EBP: variants seen among roughly 807,000 people sequenced by gnomAD.
EBP encodes 3-beta-hydroxysteroid-Delta(8),Delta(7)-isomerase.
In EBP, 1 loss-of-function variant was observed where a neutral mutation model predicts 14.1. The ratio of observed to expected loss-of-function variants is 0.07; its 90% CI spans 0.03 to 0.34. EBP has a LOEUF of 0.34. Ranked by LOEUF, EBP falls within the 10% of genes least tolerant of loss-of-function variation. The pLI, the probability that EBP is intolerant of heterozygous loss-of-function variation, is 0.99. For missense variants in EBP, 123 were observed against 184.6 expected, an observed-to-expected ratio of 0.67 and a Z score of 1.93; for synonymous variants, 72 against 77.7, an observed-to-expected ratio of 0.93 and a Z score of 0.38.
intron 1 of EBP, 53 bp from the exon 2 acceptor site, chrX:48,523,646 A>C: frequency 4.0e-6 from 3 of 742,703 alleles, no homozygotes; most frequent in Non-Finnish European, 3.9e-6. Flanking sequence ...TCATGATAAT[A>C]AACTATTTGA....
intron 4 of EBP, chrX:48,527,511 CA>C: frequency 3.9e-6 from 2 of 510,738 alleles, no homozygotes; most frequent in Non-Finnish European, 6.3e-6. Context: ...TTCTCCATCA[CA>C]AAGTCTCCTG....
At chrX:48,524,598 C>T (rs1370522403) in intron 2 of EBP, 4 of 111,123 alleles carry the variant, frequency 3.6e-5, no homozygotes, top group Non-Finnish European at 7.5e-5. Flanking sequence ...TGCACTCCAG[C>T]CTGGGCAACA....
Position 48,528,368 on chromosome X carries a change from G to C in EBP, c.604G>C (p.Val202Leu), listed in dbSNP as rs782779957. The C allele has an allele frequency of 8.4e-7, 1 of 1,196,637 alleles. No individual in the cohort carries two copies. Among genetic ancestry groups the C allele is most frequent in the Admixed American group, 2.2e-5 (1 of 44,481 alleles). Residue 202 changes from valine to leucine, a missense_variant, in exon 5 of 5, where the codon GTC becomes CTC. Coordinates refer to ENST00000495186, the MANE Select transcript of EBP (RefSeq NM_006579.3). ...TGCCCTGTGGCTGGTGCTGCCTGGA[G>C]TCCTTGTGCTTGATGCTGTGAAGCA... is the stretch of plus-strand genomic sequence containing the variant. ...MNALWLVLPG[V>L]LVLDAVKHLT...
At position 48,528,311 on chromosome X, in the gene EBP, C is replaced by G; in HGVS notation, c.547C>G (p.Leu183Val). ...GFQHGELGHP[L>V]YFWFYFVFMN... is the part of the protein sequence containing the mutation. ...CCAGCACGGAGAGCTGGGCCACCCT[C>G]TCTACTTCTGGTTTTACTTTGTCTT... The change falls in exon 5 of 5, where the codon CTC (leucine) becomes GTC (valine). Residue 183 changes from leucine (L) to valine (V), a missense_variant. Coordinates refer to ENST00000495186, the MANE Select transcript of EBP (RefSeq NM_006579.3). 8.3e-7 allele frequency: 1 copy of G among 1,211,351 alleles called. No individual in the cohort carries two copies. The highest frequency in any genetic ancestry group is 1.1e-6 in the Non-Finnish European group (1 of 895,358).
At chrX:48,527,427 C>T in intron 4 of EBP, 142 bp downstream of exon 4, 2 of 993,077 alleles carry the variant, frequency 2.0e-6, no homozygotes, top group Non-Finnish European at 2.8e-6. Flanking sequence ...CCCCCTGAGG[C>T]TCTGGAAAGG....
chrX:48,523,711 C>CTT lies in EBP; in HGVS notation c.-44_-43dup, dbSNP rs782299900. On this transcript the variant is annotated 5_prime_UTR_variant, in exon 2 of 5. Coordinates refer to ENST00000495186, the MANE Select transcript of EBP (RefSeq NM_006579.3). ...TCTATTTGTCCAGGTTTTTCTGTTC[C>CTT]TTTTTTTTTTTTTTTTTTAACTTCC... The CTT allele has an allele frequency of 0.017, 14,651 of 845,192 alleles. 243 individuals carry two copies. The highest frequency in any genetic ancestry group is 0.08 in the African/African-American group (3,316 of 41,373). The allele number at this position is 845,192 out of a possible 1,213,427, so 69.7% of individuals were successfully genotyped here. A position where few individuals can be genotyped will look rare whatever the true frequency, so the allele number is the denominator to read the frequency against.
intron 2 of EBP, 75 bp from the exon 3 acceptor site, chrX:48,526,914 G>A (rs1488028836): frequency 8.8e-7 from 1 of 1,132,198 alleles, no homozygotes; most frequent in Non-Finnish European, 1.2e-6. Context: ...TCTTCTTGCA[G>A]GGACCCCCAG....
chrX:48,527,405 C>T, intron 4 of EBP, 120 bp downstream of exon 4: 1 of 1,090,619 alleles, frequency 9.2e-7, no homozygotes, highest in Non-Finnish European at 1.3e-6. Flanking sequence ...GTAAGTCAGA[C>T]TGAATGACAA....
At position 48,524,060 on chromosome X, in the gene EBP, T is replaced by C. The variant is rs377038311; in HGVS notation, c.289T>C (p.Leu97=). The C allele has an allele frequency of 1.2e-4, 151 of 1,209,598 alleles. No homozygotes were observed. The highest frequency in any genetic ancestry group is 1.6e-4 in the Non-Finnish European group (146 of 894,846). The change falls in exon 2 of 5, where the codon TTA becomes CTA. Residue 97 remains leucine, a synonymous_variant. Transcript: ENST00000495186. ...YEDLLGDQAF[L]SQLWKEYAKG... ...AGACCTGCTTGGAGACCAAGCCTTCTTATCTCAACTCTGTGAGTCCTGATT... is the reference window on the plus strand; with the variant it reads ...AGACCTGCTTGGAGACCAAGCCTTCCTATCTCAACTCTGTGAGTCCTGATT...
At position 48,528,562 on chromosome X, in the gene EBP, G is replaced by A. The variant is rs782683562; in HGVS notation, c.*105G>A. ...TTGGAGGGACAAAGCTAATTGATCT[G>A]TCACACTCAGGCTCATGGGCAGGCA... On this transcript the variant is annotated 3_prime_UTR_variant, in exon 5 of 5. Coordinates refer to ENST00000495186, the MANE Select transcript of EBP (RefSeq NM_006579.3). 35 of 756,210 alleles carry A rather than the reference G, an allele frequency of 4.6e-5. No individual in the cohort carries two copies. In the South Asian group the frequency reaches 7.3e-4, roughly 16 times the overall value. The allele number at this position is 756,210 out of a possible 1,213,427, so 62.3% of individuals were successfully genotyped here. A position where few individuals can be genotyped will look rare whatever the true frequency, so the allele number is the denominator to read the frequency against.
rs1426868645 is a variant in EBP, at chrX:48,523,885, C to A, written c.114C>A (p.Val38=). 8.3e-7 allele frequency: 1 copy of A among 1,209,246 alleles called. No homozygotes were observed. The highest frequency in any genetic ancestry group is 1.1e-6 in the Non-Finnish European group (1 of 895,146). Residue 38 remains valine (V), a synonymous_variant, in exon 2 of 5, where the codon GTC becomes GTA. Coordinates refer to ENST00000495186, the MANE Select transcript of EBP (RefSeq NM_006579.3). The part of the protein sequence containing the change: ...TWHILAGLFS[V]TGVLVVTTWL... Reference sequence around the variant, plus strand: ...ATATACTGGCTGGCCTCTTCTCTGTCACAGGGGTCTTAGTCGTGACCACAT... The same window carrying A: ...ATATACTGGCTGGCCTCTTCTCTGTAACAGGGGTCTTAGTCGTGACCACAT...
At chrX:48,527,497 C>G (rs1346448095) in intron 4 of EBP, 2 of 547,634 alleles carry the variant, frequency 3.7e-6, no homozygotes. Context: ...CTTCCTCCTC[C>G]TCCTTCTCCA....
intron 2 of EBP, among the ~76,000 whole-genome samples, chrX:48,526,089 C>CA (rs781869054): frequency 0.025 from 1,019 of 40,941 alleles, 19 homozygotes; most frequent in Non-Finnish European, 0.033. Flanking sequence ...GGCTCCGTCT[C>CA]AAAAAAAAAA....
At chrX:48,525,593 G>A (rs782008783) in intron 2 of EBP, among the ~76,000 whole-genome samples, 4 of 107,469 alleles carry the variant, frequency 3.7e-5, no homozygotes, top group African/African-American at 1.4e-4. Context: ...TGCCCAGGCT[G>A]TTCTCCAACT....
intron 1 of EBP, 51 bp from the exon 2 acceptor site, chrX:48,523,648 A>T: frequency 4.0e-6 from 3 of 751,712 alleles, no homozygotes; most frequent in Non-Finnish European, 5.8e-6. Flanking sequence ...ATGATAATAA[A>T]CTATTTGAAT....
chrX:48,523,808 C>T lies in EBP; in HGVS notation c.37C>T (p.Pro13Ser). Residue 13 changes from proline to serine, a missense_variant, in exon 2 of 5, where the codon CCT becomes TCT. Physicochemically the swap from Pro to Ser is moderately conservative, Grantham distance 74 (BLOSUM62 -1). Transcript: ENST00000495186. ...CGCGGGCCCCTTGCACCCATACTGGCCTCAGCACCTAAGACTGGACAACTT... is the reference window on the plus strand; with the variant it reads ...CGCGGGCCCCTTGCACCCATACTGGTCTCAGCACCTAAGACTGGACAACTT... ...TNAGPLHPYW[P>S]QHLRLDNFVP... 1 of 1,208,619 alleles carries T rather than the reference C, an allele frequency of 8.3e-7. No homozygotes were observed. Among genetic ancestry groups the T allele is most frequent in the Non-Finnish European group, 1.1e-6 (1 of 894,431 alleles).
chrX:48,524,185 T>C, intron 2 of EBP, 113 bp downstream of exon 2: 1 of 783,709 alleles, frequency 1.3e-6, no homozygotes, highest in Non-Finnish European at 1.8e-6. Context: ...TAAATTTTTA[T>C]TTAATCTTTT....
In EBP at chrX:48,527,192, G is replaced by T; in HGVS notation, c.376G>T (p.Ala126Ser). The change falls in exon 4 of 5, where the codon GCT (alanine) becomes TCT (serine). Residue 126 changes from alanine (A) to serine (S), a missense_variant. Transcript: ENST00000495186. ...NFTVCMETITACLWGPLSLWV... is the reference protein window; with the variant it reads ...NFTVCMETITSCLWGPLSLWV... ...CACAGTGTGCATGGAAACCATCACAGCTTGCCTGTGGGGACCACTCAGCCT... is the reference window on the plus strand; with the variant it reads ...CACAGTGTGCATGGAAACCATCACATCTTGCCTGTGGGGACCACTCAGCCT... 1 of 1,211,965 alleles carries T rather than the reference G, an allele frequency of 8.3e-7. No homozygotes were observed. Among genetic ancestry groups the T allele is most frequent in the South Asian group, 1.8e-5 (1 of 57,003 alleles).
chrX:48,528,614 G>A lies in EBP; in HGVS notation c.*157G>A. 3.8e-6 allele frequency: 2 copies of A among 522,120 alleles called. No individual in the cohort carries two copies. Among genetic ancestry groups the A allele is most frequent in the Non-Finnish European group, 6.6e-6 (2 of 303,991 alleles). 43.0% of individuals were successfully genotyped at this position (522,120 alleles called of 1,213,427 possible). ...AAGAAGGGGAATAAAGGGGCTGTGTGAAGGCACTGCTGGGAGCCATTAGAA... is the reference window on the plus strand; with the variant it reads ...AAGAAGGGGAATAAAGGGGCTGTGTAAAGGCACTGCTGGGAGCCATTAGAA... On this transcript the variant is annotated 3_prime_UTR_variant, in exon 5 of 5. Coordinates refer to ENST00000495186, the MANE Select transcript of EBP (RefSeq NM_006579.3).
Sources: allele counts gnomAD v4.1 joint callset (sites outside exome capture counted in the v4.1 genomes callset), GRCh38; gene constraint gnomAD v4.1.1; transcripts MANE v1.5; gene names NCBI Gene and HGNC (gene_info 2026-07-23, HGNC 2026-07-21).